The following SHISA6 variants were observed in gnomAD, a reference collection of about 807,000 sequenced individuals.
The protein encoded by SHISA6 is shisa family member 6, also known as protein shisa-6.
SHISA6 carries 22 observed loss-of-function variants against 47.9 expected under a neutral mutation model. That is an observed-to-expected ratio of 0.46 (90% CI 0.33 to 0.66). The LOEUF (loss-of-function observed/expected upper bound fraction) is 0.66, where lower values mean the gene tolerates loss of function less well. Among genes scored for constraint, SHISA6 ranks in the 30% least tolerant of loss-of-function variants. SHISA6 has a pLI of 0.02. For synonymous variants in SHISA6, 388 were observed against 337.8 expected, an observed-to-expected ratio of 1.15 and a Z score of -1.63; for missense variants, 680 against 764.6, an observed-to-expected ratio of 0.89 and a Z score of 1.30.
intron 3 of SHISA6, among the ~76,000 whole-genome samples, chr17:11,443,685 AGTAACCACC>A (rs1448092965): frequency 1.3e-5 from 2 of 152,206 alleles, no homozygotes; most frequent in Admixed American, 1.3e-4. Flanking sequence ...TGGCACACAG[AGTAACCACC>A]CAATGAATAT....
At chr17:11,498,118 C>G (rs1323154472) in intron 3 of SHISA6, among the ~76,000 whole-genome samples, 1 of 152,194 alleles carries the variant, frequency 6.6e-6, no homozygotes, top group East Asian at 1.9e-4. Flanking sequence ...TTCTTCCTAC[C>G]TCAATAGAAT....
At chr17:11,503,456 T>A (rs1597555733) in intron 3 of SHISA6, among the ~76,000 whole-genome samples, 2 of 152,294 alleles carry the variant, frequency 1.3e-5, no homozygotes, top group Non-Finnish European at 2.9e-5. Flanking sequence ...AGAGAAGCAC[T>A]TTTGATTGTC....
intron 3 of SHISA6, among the ~76,000 whole-genome samples, chr17:11,475,851 G>A (rs1916038940): frequency 6.6e-6 from 1 of 151,982 alleles, no homozygotes; most frequent in Non-Finnish European, 1.5e-5. Flanking sequence ...ACAGATTGTA[G>A]GGAATTTCTA....
intron 3 of SHISA6, among the ~76,000 whole-genome samples, chr17:11,478,262 G>T (rs1916111116): frequency 3.6e-5 from 2 of 55,684 alleles, no homozygotes; most frequent in African/African-American, 9.4e-5. Flanking sequence ...CTTTTTGATG[G>T]GGTTGTTTGT....
chr17:11,525,241 T>C (rs904965642), intron 3 of SHISA6, among the ~76,000 whole-genome samples: 3 of 152,162 alleles, frequency 2.0e-5, no homozygotes, highest in Non-Finnish European at 4.4e-5. Flanking sequence ...TTCTCAGTTA[T>C]ACGATTCATC....
At chr17:11,460,158 C>T (rs1311884971) in intron 3 of SHISA6, among the ~76,000 whole-genome samples, 3 of 152,156 alleles carry the variant, frequency 2.0e-5, no homozygotes, top group African/African-American at 7.2e-5. Context: ...AGAAGAATAG[C>T]AATGTCCAGC....
chr17:11,378,171 G>A (rs1268603414), intron 2 of SHISA6, among the ~76,000 whole-genome samples: 1 of 152,058 alleles, frequency 6.6e-6, no homozygotes, highest in African/African-American at 2.4e-5. Context: ...TTTCCATTAG[G>A]CATTTATTTT....
At chr17:11,366,765 C>G (rs1427565200) in intron 2 of SHISA6, among the ~76,000 whole-genome samples, 1 of 152,096 alleles carries the variant, frequency 6.6e-6, no homozygotes, top group East Asian at 1.9e-4. Context: ...GGCTCTAGAA[C>G]AGAGGAAGCA....
chr17:11,333,600 C>T lies in SHISA6; in HGVS notation c.800-45814C>T, dbSNP rs370831513. ...TGTGATTTTGGCTCACTGCAATCTC[C>T]GCCTCCCGAGGTCAAGTGATTCTCA... On this transcript the variant is annotated intron_variant, in intron 2 of 5. Transcript: ENST00000441885. Among the ~76,000 whole-genome samples, 22 of 152,144 alleles carry T rather than the reference C, an allele frequency of 1.4e-4. No individual in the cohort carries two copies. The East Asian group carries it at 3.3e-3, about 23-fold the overall frequency.
intron 3 of SHISA6, among the ~76,000 whole-genome samples, chr17:11,519,107 C>T (rs1038390155): frequency 6.6e-6 from 1 of 152,206 alleles, no homozygotes; most frequent in South Asian, 2.1e-4. Context: ...TCTTTCTGCT[C>T]AGACTTTGCC....
intron 4 of SHISA6, among the ~76,000 whole-genome samples, chr17:11,554,430 G>A (rs1171124376): frequency 6.6e-6 from 1 of 152,102 alleles, no homozygotes; most frequent in East Asian, 1.9e-4. Flanking sequence ...AGGAGTCCCC[G>A]GTGCTTGGGG....
At chr17:11,435,870 A>G (rs1914921990) in intron 3 of SHISA6, among the ~76,000 whole-genome samples, 1 of 152,160 alleles carries the variant, frequency 6.6e-6, no homozygotes, top group Non-Finnish European at 1.5e-5. Context: ...GCCAACATGC[A>G]CCATCGCTTT....
At chr17:11,330,175 C>A (rs981433049) in intron 2 of SHISA6, among the ~76,000 whole-genome samples, 5 of 152,010 alleles carry the variant, frequency 3.3e-5, no homozygotes, top group African/African-American at 4.8e-5. Flanking sequence ...TGGATTGGCT[C>A]GTATCTGAAC....
At chr17:11,249,855 C>G (rs1347295344) in intron 1 of SHISA6, among the ~76,000 whole-genome samples, 1 of 152,158 alleles carries the variant, frequency 6.6e-6, no homozygotes, top group African/African-American at 2.4e-5. Flanking sequence ...TCCTAGGAGC[C>G]GTGTCAGCTG....
At chr17:11,384,030 A>G (rs1246716667) in intron 3 of SHISA6, among the ~76,000 whole-genome samples, 1 of 152,156 alleles carries the variant, frequency 6.6e-6, no homozygotes, top group South Asian at 2.1e-4. Flanking sequence ...ACATACATAA[A>G]TACATACATA....
At chr17:11,324,381 T>C (rs1910806979) in intron 2 of SHISA6, among the ~76,000 whole-genome samples, 1 of 152,196 alleles carries the variant, frequency 6.6e-6, no homozygotes, top group Non-Finnish European at 1.5e-5. Flanking sequence ...TATTTGTTCA[T>C]CCAGTAACTC....
chr17:11,547,011 G>A (rs536687594), intron 3 of SHISA6, among the ~76,000 whole-genome samples: 9 of 152,246 alleles, frequency 5.9e-5, no homozygotes, highest in South Asian at 2.1e-4. Context: ...CACAGATAGC[G>A]TCATGTGCTT....
intron 3 of SHISA6, among the ~76,000 whole-genome samples, chr17:11,514,654 C>T (rs1010508107): frequency 1.3e-5 from 2 of 152,188 alleles, no homozygotes; most frequent in Non-Finnish European, 2.9e-5. Flanking sequence ...AGGGCAATGT[C>T]TTATGTGGCT....
intron 2 of SHISA6, among the ~76,000 whole-genome samples, chr17:11,361,897 CTG>C (rs1344584227): frequency 6.6e-6 from 1 of 152,116 alleles, no homozygotes; most frequent in African/African-American, 2.4e-5. Flanking sequence ...CCATAAAGCA[CTG>C]TGCTGTGGAA....
Sources: gnomAD v4.1 joint callset for allele counts (sites outside exome capture counted in the v4.1 genomes callset) on GRCh38, gnomAD v4.1.1 for gene constraint, MANE v1.5 for transcripts, NCBI Gene and HGNC (gene_info 2026-07-23, HGNC 2026-07-21) for gene names.